The following PTK7 variants were observed in gnomAD, a reference collection of about 807,000 sequenced individuals.
PTK7 encodes protein tyrosine kinase 7 (inactive).
In PTK7, 39 loss-of-function variants were observed where a neutral mutation model predicts 116.6. That is an observed-to-expected ratio of 0.33 (90% CI 0.26 to 0.44). PTK7 has a LOEUF of 0.44. Among genes scored for constraint, PTK7 ranks in the 20% least tolerant of loss-of-function variants. The probability of loss-of-function intolerance (pLI) is 1.00; values close to 1 mark genes in which losing one functional copy is unlikely to be tolerated. For missense variants in PTK7, 1,169 were observed against 1,425.6 expected (o/e 0.82, Z 2.90); for synonymous variants, 546 against 563.6 (o/e 0.97, Z 0.44).
intron 1 of PTK7, among the ~76,000 whole-genome samples, chr6:43,091,938 C>T (rs1766976668): frequency 6.6e-6 from 1 of 152,172 alleles, no homozygotes; most frequent in Non-Finnish European, 1.5e-5. Context: ...TCTCAGCTCA[C>T]TCCAACCTCC....
At chr6:43,110,354 A>G (rs917354754) in intron 1 of PTK7, among the ~76,000 whole-genome samples, 1 of 149,848 alleles carries the variant, frequency 6.7e-6, no homozygotes, top group East Asian at 2.0e-4. Flanking sequence ...TATTGTCTTG[A>G]CCATGTTTCT....
chr6:43,142,354 C>T, intron 13 of PTK7, 55 bp downstream of exon 13: 1 of 1,612,156 alleles, frequency 6.2e-7, no homozygotes, highest in Non-Finnish European at 8.5e-7. Context: ...AGACGTTTGT[C>T]ACCTTGTACT....
chr6:43,131,916 T>TA, intron 5 of PTK7, 100 bp from the exon 6 acceptor site: 1 of 1,508,316 alleles, frequency 6.6e-7, no homozygotes, highest in Non-Finnish European at 9.2e-7. Flanking sequence ...GTCGATTCCT[T>TA]ACTACATTTC....
At chr6:43,112,184 G>A (rs1490939581) in intron 1 of PTK7, among the ~76,000 whole-genome samples, 4 of 152,034 alleles carry the variant, frequency 2.6e-5, no homozygotes, top group Non-Finnish European at 5.9e-5. Flanking sequence ...ACTTTCCAGA[G>A]GCATTTCATC....
intron 6 of PTK7, 33 bp downstream of exon 6, chr6:43,132,197 A>G: frequency 6.4e-7 from 1 of 1,571,000 alleles, no homozygotes; most frequent in Non-Finnish European, 8.7e-7. Flanking sequence ...CTGATGTGGG[A>G]GGCTGCCTTT....
chr6:43,118,755 G>A (rs1247460470), intron 1 of PTK7, among the ~76,000 whole-genome samples: 1 of 113,484 alleles, frequency 8.8e-6, no homozygotes, highest in Non-Finnish European at 1.6e-5. Context: ...GTGTATGTGT[G>A]TGTGTGTGTG....
At chr6:43,098,200 G>A (rs773292651) in intron 1 of PTK7, among the ~76,000 whole-genome samples, 9 of 151,994 alleles carry the variant, frequency 5.9e-5, no homozygotes, top group Non-Finnish European at 1.3e-4. Context: ...GGCCCTTAAG[G>A]CACTGCTTGC....
chr6:43,144,257 C>A (rs1017156531), intron 14 of PTK7, 194 bp from the exon 15 acceptor site: 7 of 640,708 alleles, frequency 1.1e-5, no homozygotes, highest in Non-Finnish European at 1.9e-5. Flanking sequence ...AGGGGTCATA[C>A]CCTAGGGGAT....
chr6:43,093,335 G>A (rs530617034), intron 1 of PTK7, among the ~76,000 whole-genome samples: 2 of 151,996 alleles, frequency 1.3e-5, no homozygotes, highest in East Asian at 1.9e-4. Flanking sequence ...GATTACAGGC[G>A]CCCACGACCA....
intron 1 of PTK7, among the ~76,000 whole-genome samples, chr6:43,081,836 G>A (rs937398230): frequency 6.6e-6 from 1 of 152,176 alleles, no homozygotes; most frequent in African/African-American, 2.4e-5. Context: ...ACCCTCCCCA[G>A]CTTCTTTGAG....
At chr6:43,150,037 G>C (rs983521051) in intron 17 of PTK7, among the ~76,000 whole-genome samples, 2 of 152,166 alleles carry the variant, frequency 1.3e-5, no homozygotes, top group Non-Finnish European at 2.9e-5. Flanking sequence ...CTGGGTGTTG[G>C]CATAATGGTA....
intron 1 of PTK7, among the ~76,000 whole-genome samples, chr6:43,090,867 G>C (rs1017171189): frequency 1.3e-5 from 2 of 152,182 alleles, no homozygotes; most frequent in Non-Finnish European, 2.9e-5. Context: ...TGTAAGGAAG[G>C]AGCTAGGGAA....
intron 17 of PTK7, among the ~76,000 whole-genome samples, chr6:43,155,521 G>A (rs1771373478): frequency 6.6e-6 from 1 of 151,962 alleles, no homozygotes; most frequent in Admixed American, 6.6e-5. Flanking sequence ...GTATGTGCCT[G>A]TAAACCCAGC....
intron 1 of PTK7, among the ~76,000 whole-genome samples, chr6:43,118,620 CCTCTCT>C (rs1170818291): frequency 0.027 from 1,684 of 63,166 alleles, 31 homozygotes; most frequent in East Asian, 0.066. Context: ...AATATTTTAA[CCTCTCT>C]CTCTCTCTCT....
chr6:43,143,696 C>T lies in PTK7; in HGVS notation c.2251+76C>T, dbSNP rs1367509596. The T allele has an allele frequency of 5.4e-6, 8 of 1,476,222 alleles. No individual in the cohort carries two copies. The highest frequency in any genetic ancestry group is 7.3e-6 in the Non-Finnish European group (8 of 1,094,632). 91.4% of individuals were successfully genotyped at this position (1,476,222 alleles called of 1,614,324 possible). A position where few individuals can be genotyped will look rare whatever the true frequency, so the allele number is the denominator to read the frequency against. ...CCTCCCGCGGCCACGGAGGGGAGAG[C>T]GCCAGCACTCTGGAAACCGAGCGGC... is the stretch of plus-strand genomic sequence containing the variant. On this transcript the variant is annotated intron_variant, in intron 14 of 19. Transcript: ENST00000230419. The surrounding 1 kb of genome is among the most constrained non-coding windows in gnomAD (Gnocchi z 4.2).
At position 43,141,534 on chromosome 6, in the gene PTK7, C is replaced by T. The variant is rs1004897894; in HGVS notation, c.1619-134C>T. Reference sequence around the variant, plus strand: ...ACGGAGGGGCTTCTAACACTTGGCTCAGGAGTTTGGACTTTGCCTGTGGGT... The same window carrying T: ...ACGGAGGGGCTTCTAACACTTGGCTTAGGAGTTTGGACTTTGCCTGTGGGT... On this transcript the variant is annotated intron_variant, in intron 10 of 19. Coordinates refer to ENST00000230419, the MANE Select transcript of PTK7 (RefSeq NM_002821.5). This position sits in a 1 kb window ranked among gnomAD's most constrained non-coding sequence, Gnocchi z 4.9. The T allele has an allele frequency of 5.7e-6, 6 of 1,061,834 alleles. No individual in the cohort carries two copies. Among genetic ancestry groups the T allele is most frequent in the Non-Finnish European group, 8.2e-6 (6 of 731,132 alleles). The allele number at this position is 1,061,834 out of a possible 1,614,324, so 65.8% of individuals were successfully genotyped here. A position where few individuals can be genotyped will look rare whatever the true frequency, so the allele number is the denominator to read the frequency against.
intron 1 of PTK7, among the ~76,000 whole-genome samples, chr6:43,119,867 T>G (rs1768856808): frequency 6.6e-6 from 1 of 152,136 alleles, no homozygotes; most frequent in Non-Finnish European, 1.5e-5. Flanking sequence ...TGCTGAGAAC[T>G]TGTGGTTCCC....
At chr6:43,155,671 T>C (rs1169624377) in intron 17 of PTK7, among the ~76,000 whole-genome samples, 1 of 151,942 alleles carries the variant, frequency 6.6e-6, no homozygotes, top group Non-Finnish European at 1.5e-5. Context: ...TAATGTAATT[T>C]AGTTACGTTT....
chr6:43,129,210 G>C lies in PTK7; in HGVS notation c.313G>C (p.Asp105His), dbSNP rs138044999. The change falls in exon 2 of 20, where the codon GAT becomes CAT. Residue 105 changes from aspartate (D) to histidine (H), a missense_variant. By Grantham distance (81) the Asp-to-His change is moderately conservative. Coordinates refer to ENST00000230419, the MANE Select transcript of PTK7 (RefSeq NM_002821.5). The surrounding 1 kb of genome is among the most constrained non-coding windows in gnomAD (Gnocchi z 4.5). ...TGGCACCTTCCAGTGTGTGGCTCGG[G>C]ATGATGTCACTGGAGAAGAAGCCCG... Reference protein sequence around the residue: ...DSGTFQCVARDDVTGEEARSA... With the variant: ...DSGTFQCVARHDVTGEEARSA... 2 of 1,614,144 alleles carry C rather than the reference G, an allele frequency of 1.2e-6. No individual in the cohort carries two copies. The highest frequency in any genetic ancestry group is 1.1e-5 in the South Asian group (1 of 91,088).
Sources: gnomAD v4.1 joint callset for allele counts (sites outside exome capture counted in the v4.1 genomes callset) on GRCh38, gnomAD v4.1.1 for gene constraint, Gnocchi (gnomAD v3.1) non-coding constraint, MANE v1.5 for transcripts, NCBI Gene and HGNC (gene_info 2026-07-23, HGNC 2026-07-21) for gene names.